The following INSYN2A variants were observed in gnomAD, a reference collection of about 807,000 sequenced individuals.
INSYN2A encodes inhibitory synaptic factor 2A, also known as family with sequence similarity 196 member A.
Under a neutral mutation model 39.4 loss-of-function variants are expected in INSYN2A, and 17 were observed. The ratio of observed to expected loss-of-function variants is 0.43; its 90% confidence interval spans 0.30 to 0.65. The LOEUF (loss-of-function observed/expected upper bound fraction) is 0.65. Among genes scored for constraint, INSYN2A ranks in the 30% least tolerant of loss-of-function variants. The pLI, the probability that INSYN2A is intolerant of heterozygous loss-of-function variation, is 0.14. For synonymous variants in INSYN2A, 255 were observed against 265.7 expected (o/e 0.96, Z 0.39); for missense variants, 595 against 631.2 (o/e 0.94, Z 0.61).
rs568548191 is a variant in INSYN2A, at chr10:127,154,448, T to C, written c.1185-525A>G. 6.6e-5 allele frequency among the ~76,000 whole-genome samples: 10 copies of C among 152,376 alleles called. No homozygotes were observed. The East Asian group carries it at 1.9e-3, about 29-fold the overall frequency. The stretch of plus-strand genomic sequence containing the variant: ...GAAAGCATATAATATTTGTGACACA[T>C]GGAAATGATCCGAAATTCAAATTTC... On this transcript the variant is annotated intron_variant, in intron 4 of 5. Transcript: ENST00000522781.
intron 1 of INSYN2A, among the ~76,000 whole-genome samples, chr10:127,195,209 C>T (rs1475007518): frequency 6.6e-6 from 1 of 152,218 alleles, no homozygotes; most frequent in East Asian, 1.9e-4. Context: ...GATGCAGACT[C>T]TCGCTCTTGA....
chr10:127,185,475 G>A lies in INSYN2A; in HGVS notation c.-269+7130C>T, dbSNP rs573692176. Among the ~76,000 whole-genome samples, 776 of 152,292 alleles carry A rather than the reference G, an allele frequency of 5.1e-3. 8 individuals carry two copies. The highest frequency in any genetic ancestry group is 0.018 in the African/African-American group (740 of 41,562). On this transcript the variant is annotated intron_variant, in intron 2 of 5. Transcript: ENST00000522781. ...AGGGAGTGGGAGGTTGCAGTGAGCC[G>A]AGATTGCACCACTGCACTCCAGCAA... is the stretch of plus-strand genomic sequence containing the variant.
intron 4 of INSYN2A, among the ~76,000 whole-genome samples, chr10:127,166,669 C>T (rs897451427): frequency 2.6e-5 from 4 of 152,216 alleles, no homozygotes; most frequent in African/African-American, 7.2e-5. Flanking sequence ...TTCACTAGAA[C>T]GCTCCCTCAG....
At chr10:127,194,907 TCAC>T (rs55677285) in intron 1 of INSYN2A, among the ~76,000 whole-genome samples, 123,801 of 151,948 alleles carry the variant, frequency 0.81, 50,921 homozygotes, top group South Asian at 0.92. Flanking sequence ...GTAAACCGCT[TCAC>T]CGCTGCTTCT....
Position 127,175,979 on chromosome 10 carries a change from T to C in INSYN2A, c.417A>G (p.Gln139=), listed in dbSNP as rs1179576717. The C allele has an allele frequency of 4.3e-6, 7 of 1,614,196 alleles. No individual in the cohort carries two copies. The highest frequency in any genetic ancestry group is 5.1e-6 in the Non-Finnish European group (6 of 1,180,032). The change falls in exon 4 of 6, where the codon CAA becomes CAG. Residue 139 remains glutamine (Q), a synonymous_variant. Transcript: ENST00000522781. The surrounding 1 kb of genome is among the most constrained non-coding windows in gnomAD (Gnocchi z 6.3). ...SLPAADPFKS[Q]NNGFLTDAKE... ...TCGCATCTGTTAGAAACCCATTGTT[T>C]TGGCTTTTAAAGGGATCTGCAGCTG... is the stretch of plus-strand genomic sequence containing the variant.
chr10:127,143,699 A>C lies in INSYN2A; in HGVS notation c.1257-5679T>G, dbSNP rs370446278. Reference sequence around the variant, plus strand: ...ACACCAGCATTGTCCAGAGGAAACTAAAAGTTGGGATCTGGATCCCAGGCC... The same window carrying C: ...ACACCAGCATTGTCCAGAGGAAACTCAAAGTTGGGATCTGGATCCCAGGCC... On this transcript the variant is annotated intron_variant, in intron 5 of 5. Coordinates refer to ENST00000522781, the MANE Select transcript of INSYN2A (RefSeq NM_001039762.3). Among the ~76,000 whole-genome samples, 642 of 152,286 alleles carry C rather than the reference A, an allele frequency of 4.2e-3. 4 individuals carry two copies. The highest frequency in any genetic ancestry group is 0.015 in the African/African-American group (616 of 41,580).
chr10:127,138,257 G>T (rs1333849621), intron 5 of INSYN2A, among the ~76,000 whole-genome samples: 1 of 152,146 alleles, frequency 6.6e-6, no homozygotes, highest in Non-Finnish European at 1.5e-5. Context: ...TTAATATTGT[G>T]TTAATGTGCA....
chr10:127,169,987 G>C (rs1212907006), intron 4 of INSYN2A, among the ~76,000 whole-genome samples: 4 of 152,008 alleles, frequency 2.6e-5, no homozygotes, highest in Non-Finnish European at 4.4e-5. Flanking sequence ...CCTGAACTCA[G>C]GGGGTTCCTT....
intron 2 of INSYN2A, among the ~76,000 whole-genome samples, chr10:127,191,672 A>G (rs2056766696): frequency 1.3e-5 from 2 of 152,196 alleles, no homozygotes; most frequent in African/African-American, 4.8e-5. Context: ...CAGTGGAATG[A>G]CCTAGAAACA....
intron 5 of INSYN2A, among the ~76,000 whole-genome samples, chr10:127,147,799 G>A (rs2052038584): frequency 6.6e-6 from 1 of 151,720 alleles, no homozygotes; most frequent in South Asian, 2.1e-4. Flanking sequence ...TTGGGAAGTC[G>A]AGGCGGGTGG....
intron 4 of INSYN2A, among the ~76,000 whole-genome samples, chr10:127,166,106 C>T (rs1484781647): frequency 2.6e-5 from 4 of 152,004 alleles, no homozygotes; most frequent in South Asian, 2.1e-4. Flanking sequence ...CGCTCTGTAG[C>T]GTAGGCTGGA....
At chr10:127,178,284 T>C (rs1218866300) in intron 2 of INSYN2A, among the ~76,000 whole-genome samples, 1 of 152,224 alleles carries the variant, frequency 6.6e-6, no homozygotes, top group East Asian at 1.9e-4. Flanking sequence ...GGTAATCATG[T>C]GTAAGAACAA....
At chr10:127,161,923 C>T (rs77426221) in intron 4 of INSYN2A, among the ~76,000 whole-genome samples, 3,400 of 152,274 alleles carry the variant, frequency 0.022, 122 homozygotes, top group African/African-American at 0.073. Flanking sequence ...ACCCCTGTTC[C>T]AGAGAAACTT....
chr10:127,175,833 A>C lies in INSYN2A; in HGVS notation c.563T>G (p.Leu188Trp), dbSNP rs1246539932. 1 of 1,614,054 alleles carries C rather than the reference A, an allele frequency of 6.2e-7. No individual in the cohort carries two copies. Among genetic ancestry groups the C allele is most frequent in the South Asian group, 1.1e-5 (1 of 91,076 alleles). Reference sequence around the variant, plus strand: ...ACAGGGCTCTGTGCAGTTGACCCCCAAAGGCTGGTCCACTGTGTTCATGTG... The same window carrying C: ...ACAGGGCTCTGTGCAGTTGACCCCCCAAGGCTGGTCCACTGTGTTCATGTG... ...NQHMNTVDQP[L>W]GVNCTEPCKS... Residue 188 changes from leucine to tryptophan, a missense_variant, in exon 4 of 6, where the codon TTG becomes TGG. Transcript: ENST00000522781. The surrounding 1 kb of genome is among the most constrained non-coding windows in gnomAD (Gnocchi z 6.3).
At chr10:127,140,125 G>C (rs1319504201) in intron 5 of INSYN2A, among the ~76,000 whole-genome samples, 1 of 152,176 alleles carries the variant, frequency 6.6e-6, no homozygotes, top group Non-Finnish European at 1.5e-5. Context: ...TTAGAACAGA[G>C]AGAAGGCGCT....
rs538428225 is a variant in INSYN2A, at chr10:127,170,786, T to C, written c.1184+4426A>G. 4.5e-4 allele frequency among the ~76,000 whole-genome samples: 68 copies of C among 152,330 alleles called. No homozygotes were observed. The South Asian group carries it at 0.013, about 30-fold the overall frequency. ...TTCAATGACTCCCATTAGTGACTTATTTAGGTAGCCTGTGTGACCCTGAAC... is the reference window on the plus strand; with the variant it reads ...TTCAATGACTCCCATTAGTGACTTACTTAGGTAGCCTGTGTGACCCTGAAC... On this transcript the variant is annotated intron_variant, in intron 4 of 5. Coordinates refer to ENST00000522781, the MANE Select transcript of INSYN2A (RefSeq NM_001039762.3).
At chr10:127,169,354 TC>T (rs1005389310) in intron 4 of INSYN2A, among the ~76,000 whole-genome samples, 2 of 152,220 alleles carry the variant, frequency 1.3e-5, no homozygotes, top group African/African-American at 4.8e-5. Flanking sequence ...TGGCACAGTG[TC>T]CATCACTTCA....
At chr10:127,180,807 A>G (rs2055655675) in intron 2 of INSYN2A, among the ~76,000 whole-genome samples, 1 of 152,234 alleles carries the variant, frequency 6.6e-6, no homozygotes, top group Admixed American at 6.5e-5. Context: ...TCATAGAAAA[A>G]CACGAAATAA....
At chr10:127,173,177 A>C (rs186975630) in intron 4 of INSYN2A, among the ~76,000 whole-genome samples, 2 of 152,084 alleles carry the variant, frequency 1.3e-5, no homozygotes, top group African/African-American at 4.8e-5. Flanking sequence ...GTGGACATCT[A>C]CCCATTCAGA....
Sources: allele counts gnomAD v4.1 joint callset (sites outside exome capture counted in the v4.1 genomes callset), GRCh38; gene constraint gnomAD v4.1.1; non-coding constraint Gnocchi (gnomAD v3.1); transcripts MANE v1.5; gene names NCBI Gene and HGNC (gene_info 2026-07-23, HGNC 2026-07-21).